Variants in TRA2B observed in about 807,000 individuals in gnomAD.
TRA2B encodes transformer 2 beta homolog.
TRA2B carries 14 observed loss-of-function variants against 41.7 expected under a neutral mutation model. The ratio of observed to expected loss-of-function variants is 0.34; its 90% CI spans 0.22 to 0.53. The LOEUF is 0.53. Among genes scored for constraint, TRA2B ranks in the 20% least tolerant of loss-of-function variants. TRA2B has a pLI of 0.95. For missense variants in TRA2B, 167 were observed against 396.8 expected (o/e 0.42, Z 4.92); for synonymous variants, 130 against 128.8 (o/e 1.01, Z -0.06).
chr3:185,922,284 C>T, intron 4 of TRA2B, 158 bp from the exon 5 acceptor site: 1 of 454,246 alleles, frequency 2.2e-6, no homozygotes, highest in Non-Finnish European at 3.9e-6. Flanking sequence ...TGTGTTGTTC[C>T]CTCTACTAAA....
chr3:185,925,419 T>G, intron 3 of TRA2B, 45 bp downstream of exon 3: 1 of 1,593,716 alleles, frequency 6.3e-7, no homozygotes, highest in Non-Finnish European at 8.5e-7. Flanking sequence ...TAAGAAAAAG[T>G]AAATTTAGGC....
chr3:185,915,396 A>G lies in TRA2B; in HGVS notation c.*2319T>C, dbSNP rs1743467291. Among the ~76,000 whole-genome samples, 1 of 152,216 alleles carries G rather than the reference A, an allele frequency of 6.6e-6. No individual in the cohort carries two copies. The highest frequency in any genetic ancestry group is 1.5e-5 in the Non-Finnish European group (1 of 68,042). The stretch of plus-strand genomic sequence containing the variant: ...CCCTTTGCCTTGAGGCAGTAACTTT[A>G]AGACTCAAATTTATCCTTTCCCATG... On this transcript the variant is annotated 3_prime_UTR_variant, in exon 9 of 9. Transcript: ENST00000453386.
chr3:185,936,639 T>G (rs777176865), intron 1 of TRA2B: 8 of 985,024 alleles, frequency 8.1e-6, no homozygotes, highest in Non-Finnish European at 9.6e-6. Flanking sequence ...GATCTTAAGG[T>G]AGCTTTACCA....
intron 1 of TRA2B, chr3:185,936,888 C>T (rs1278165700): frequency 1.0e-6 from 1 of 985,260 alleles, no homozygotes; most frequent in Non-Finnish European, 1.2e-6. Context: ...TCCCGCAATT[C>T]AATCAACCCT....
intron 1 of TRA2B, chr3:185,936,260 CTG>C (rs1172937893): frequency 1.0e-6 from 1 of 985,414 alleles, no homozygotes; most frequent in South Asian, 4.7e-5. Context: ...ACACCAATGA[CTG>C]TTATAACAGA....
Position 185,919,514 on chromosome 3 carries a change from C to T in TRA2B, c.723-18G>A. 6.2e-7 allele frequency: 1 copy of T among 1,601,734 alleles called. No individual in the cohort carries two copies. Among genetic ancestry groups the T allele is most frequent in the African/African-American group, 1.3e-5 (1 of 74,270 alleles). Reference sequence around the variant, plus strand: ...CTCCTCCTCTGTGAAGACAGAAAGGCAACACAACACGCATTCAGTTTGTAA... The same window carrying T: ...CTCCTCCTCTGTGAAGACAGAAAGGTAACACAACACGCATTCAGTTTGTAA... On this transcript the variant is annotated intron_variant, in intron 6 of 8. Transcript: ENST00000453386.
Position 185,922,094 on chromosome 3 carries a change from A to G in TRA2B, c.555T>C (p.Asp185=). The part of the protein sequence containing the change: ...AKERANGMEL[D]GRRIRVDFSI... ...AGAAATCAACTCTGATCCTACGCCCATCAAGCTCCATTCCATTGGCACGTT... is the reference window on the plus strand; with the variant it reads ...AGAAATCAACTCTGATCCTACGCCCGTCAAGCTCCATTCCATTGGCACGTT... The change falls in exon 5 of 9, where the codon GAT becomes GAC. Residue 185 remains aspartate, a synonymous_variant. Coordinates refer to ENST00000453386, the MANE Select transcript of TRA2B (RefSeq NM_004593.3). 1 of 1,613,688 alleles carries G rather than the reference A, an allele frequency of 6.2e-7. No homozygotes were observed. Among genetic ancestry groups the G allele is most frequent in the Non-Finnish European group, 8.5e-7 (1 of 1,179,782 alleles).
chr3:185,918,570 T>C, intron 7 of TRA2B, 132 bp from the exon 8 acceptor site: 1 of 526,738 alleles, frequency 1.9e-6, no homozygotes, highest in South Asian at 3.5e-5. Flanking sequence ...CTTCAAGGTC[T>C]GTTTAAATCT....
intron 1 of TRA2B, among the ~76,000 whole-genome samples, chr3:185,930,303 CTT>C (rs1417038552): frequency 2.0e-5 from 3 of 152,082 alleles, no homozygotes; most frequent in East Asian, 1.9e-4. Flanking sequence ...CCTGCCTGCT[CTT>C]TGAGTAATTT....
At chr3:185,917,869 CA>C in intron 8 of TRA2B, 144 bp from the exon 9 acceptor site, 2 of 737,392 alleles carry the variant, frequency 2.7e-6, no homozygotes, top group East Asian at 5.3e-5. Flanking sequence ...GAAAGACTTC[CA>C]TGTAAGTATT....
At chr3:185,918,265 A>T (rs1743579358) in intron 8 of TRA2B, 100 bp downstream of exon 8, 1 of 864,930 alleles carries the variant, frequency 1.2e-6, no homozygotes, top group South Asian at 1.8e-5. Flanking sequence ...ATTAGGTATG[A>T]AACTACCTGA....
rs969099821 is a variant in TRA2B at position 185,935,525 on chromosome 3, T to G, written c.36+2300A>C. 5 of 984,988 alleles carry G rather than the reference T, an allele frequency of 5.1e-6. No individual in the cohort carries two copies. In the African/African-American group the frequency reaches 7.0e-5, roughly 14 times the overall value. The allele number at this position is 984,988 out of a possible 1,614,324, so 61.0% of individuals were successfully genotyped here. Reference sequence around the variant, plus strand: ...AAACTCCTACAGTCACTGGAAAAGGTGGGGCACAGAGGGGTGGGGTTGTCT... The same window carrying G: ...AAACTCCTACAGTCACTGGAAAAGGGGGGGCACAGAGGGGTGGGGTTGTCT... On this transcript the variant is annotated intron_variant, in intron 1 of 8. Coordinates refer to ENST00000453386, the MANE Select transcript of TRA2B (RefSeq NM_004593.3).
chr3:185,933,575 GGAGGGACAGGGGCAAA>G (rs1744232398), intron 1 of TRA2B, among the ~76,000 whole-genome samples: 1 of 152,058 alleles, frequency 6.6e-6, no homozygotes, highest in Non-Finnish European at 1.5e-5. Flanking sequence ...TTAAAAATTG[GGAGGGACAGGGGCAAA>G]GAAAACCTCA....
Position 185,917,576 on chromosome 3 carries a change from C to T in TRA2B, c.*139G>A. 2.6e-6 allele frequency: 2 copies of T among 768,056 alleles called. No individual in the cohort carries two copies. The highest frequency in any genetic ancestry group is 2.0e-5 in the South Asian group (1 of 49,644). 47.6% of individuals were successfully genotyped at this position (768,056 alleles called of 1,614,324 possible). On this transcript the variant is annotated 3_prime_UTR_variant, in exon 9 of 9. Coordinates refer to ENST00000453386, the MANE Select transcript of TRA2B (RefSeq NM_004593.3). ...AATGAAAACAGCATTTCAACTCCAC[C>T]AAAAGTAGTCATCGTAAAAGGTGTA...
chr3:185,922,948 A>G (rs535150931), intron 4 of TRA2B: 6 of 152,216 alleles, frequency 3.9e-5, no homozygotes, highest in Admixed American at 2.0e-4. Context: ...AATTTATGCT[A>G]TTTTCCGAGA....
chr3:185,923,676 T>C lies in TRA2B; in HGVS notation c.522+120A>G, dbSNP rs575744455. 1.4e-4 allele frequency: 125 copies of C among 915,218 alleles called. No individual in the cohort carries two copies. In the East Asian group the frequency reaches 2.5e-3, roughly 18 times the overall value. The allele number at this position is 915,218 out of a possible 1,614,324, so 56.7% of individuals were successfully genotyped here. ...ATGTATCTTGAGTCTCCACAAGAGG[T>C]TGGAGAAAAAGTTCGAAGTATTACT... On this transcript the variant is annotated intron_variant, in intron 4 of 8. Transcript: ENST00000453386.
rs191754962 is a variant in TRA2B, at chr3:185,921,991, T to A, written c.638+20A>T. 6.4e-7 allele frequency: 1 copy of A among 1,574,582 alleles called. No individual in the cohort carries two copies. Among genetic ancestry groups the A allele is most frequent in the African/African-American group, 1.4e-5 (1 of 73,842 alleles). ...CAAGTGAAAAACTGCCAATTATATT[T>A]ATTTTGAAAATAAACTTACTAGGTA... On this transcript the variant is annotated intron_variant, in intron 5 of 8. Coordinates refer to ENST00000453386, the MANE Select transcript of TRA2B (RefSeq NM_004593.3).
chr3:185,933,139 G>A (rs755956782), intron 1 of TRA2B, among the ~76,000 whole-genome samples: 1 of 152,150 alleles, frequency 6.6e-6, no homozygotes, highest in Non-Finnish European at 1.5e-5. Flanking sequence ...TGCCCAAGCA[G>A]GTTTCCTTAG....
Position 185,915,932 on chromosome 3 carries a change from C to CAGCCTTTAATGT in TRA2B, c.*1782_*1783insACATTAAAGGCT, listed in dbSNP as rs1743484936. 6.6e-6 allele frequency: 1 copy of CAGCCTTTAATGT among 152,118 alleles called. No homozygotes were observed. Among genetic ancestry groups the CAGCCTTTAATGT allele is most frequent in the Non-Finnish European group, 1.5e-5 (1 of 68,018 alleles). 9.4% of individuals were successfully genotyped at this position (152,118 alleles called of 1,614,324 possible). A position where few individuals can be genotyped will look rare whatever the true frequency, so the allele number is the denominator to read the frequency against. ...CAGGTTTCTCAGCCTTTAATGTATCCATCCATAACACAACCCCCTCTGGGA... is the reference window on the plus strand; with the variant it reads ...CAGGTTTCTCAGCCTTTAATGTATCCAGCCTTTAATGTATCCATAACACAACCCCCTCTGGGA... On this transcript the variant is annotated 3_prime_UTR_variant, in exon 9 of 9. Transcript: ENST00000453386.
Sources: allele counts gnomAD v4.1 joint callset (sites outside exome capture counted in the v4.1 genomes callset), GRCh38; gene constraint gnomAD v4.1.1; transcripts MANE v1.5; gene names NCBI Gene and HGNC (gene_info 2026-07-23, HGNC 2026-07-21).